Variants in SLC6A18 observed in about 807,000 individuals in gnomAD.
SLC6A18 encodes the protein inactive sodium-dependent neutral amino acid transporter B(0)AT3.
SLC6A18 carries 58 observed loss-of-function variants against 62.9 expected under a neutral mutation model. The ratio of observed to expected loss-of-function variants is 0.92; its 90% CI spans 0.75 to 1.15. The LOEUF (loss-of-function observed/expected upper bound fraction) is 1.15, where lower values mean the gene tolerates loss of function less well. SLC6A18 is among the 50% of genes most tolerant of loss of function. The probability of loss-of-function intolerance (pLI) is 0.00; values close to 1 mark genes in which losing one functional copy is unlikely to be tolerated. For synonymous variants in SLC6A18, 382 were observed against 365.8 expected (o/e 1.04, Z -0.51); for missense variants, 793 against 836.6 (o/e 0.95, Z 0.64).
chr5:1,237,921 A>C (rs1282568540), intron 4 of SLC6A18, 29 bp from the exon 5 acceptor site: 3 of 1,574,988 alleles, frequency 1.9e-6, no homozygotes, highest in Non-Finnish European at 2.6e-6. Context: ...GGCCATTTCA[A>C]GTCTCATGAC....
In SLC6A18 at chr5:1,243,772, C is replaced by A; in HGVS notation, c.1336+13C>A. Reference sequence around the variant, plus strand: ...GAGGCCCTGACTGGTGAGCGCACAGCTCCGCCGCCCTGGAGGACCCGTCCC... The same window carrying A: ...GAGGCCCTGACTGGTGAGCGCACAGATCCGCCGCCCTGGAGGACCCGTCCC... On this transcript the variant is annotated intron_variant, in intron 9 of 11. Coordinates refer to ENST00000324642, the MANE Select transcript of SLC6A18 (RefSeq NM_182632.3). This position sits in a 1 kb window ranked among gnomAD's most constrained non-coding sequence, Gnocchi z 6.5. 6.3e-7 allele frequency: 1 copy of A among 1,581,438 alleles called. No homozygotes were observed. The highest frequency in any genetic ancestry group is 8.6e-7 in the Non-Finnish European group (1 of 1,162,808).
rs1344651926 is a variant in SLC6A18 at position 1,243,391 on chromosome 5, C to A, written c.1132-164C>A. 2.6e-5 allele frequency among the ~76,000 whole-genome samples: 4 copies of A among 152,198 alleles called. No homozygotes were observed. The highest frequency in any genetic ancestry group is 5.9e-5 in the Non-Finnish European group (4 of 68,026). Reference sequence around the variant, plus strand: ...CAGAGTTGCGCTTGCAGCCTCGTCTCCCAGAAGGCATGGCCAGCCCTGAGC... The same window carrying A: ...CAGAGTTGCGCTTGCAGCCTCGTCTACCAGAAGGCATGGCCAGCCCTGAGC... On this transcript the variant is annotated intron_variant, in intron 8 of 11. Transcript: ENST00000324642. This position sits in a 1 kb window ranked among gnomAD's most constrained non-coding sequence, Gnocchi z 6.5.
intron 3 of SLC6A18, among the ~76,000 whole-genome samples, chr5:1,235,049 C>T (rs1746848218): frequency 1.3e-5 from 2 of 152,236 alleles, no homozygotes; most frequent in South Asian, 4.1e-4. Context: ...AGTCACAGGA[C>T]AATCTGCCCG....
rs901483379 is a variant in SLC6A18 at position 1,235,558 on chromosome 5, A to G, written c.517A>G (p.Ile173Val). The G allele has an allele frequency of 1.9e-6, 3 of 1,614,080 alleles. No homozygotes were observed. The highest frequency in any genetic ancestry group is 2.5e-6 in the Non-Finnish European group (3 of 1,180,032). ...GCAGACACTGAACATCACAGCCGAC[A>G]TCAATGACAGTGGCTCCATCCAGTG... The part of the protein sequence containing the change: ...YRQTLNITAD[I>V]NDSGSIQWWL... The change falls in exon 4 of 12, where the codon ATC becomes GTC. Residue 173 changes from isoleucine to valine, a missense_variant. Ile to Val is a conservative substitution (Grantham distance 29). Coordinates refer to ENST00000324642, the MANE Select transcript of SLC6A18 (RefSeq NM_182632.3).
chr5:1,235,489 G>T lies in SLC6A18; in HGVS notation c.448G>T (p.Glu150Ter). Residue 150 changes from glutamate to a stop codon, truncating the protein, a stop_gained, in exon 4 of 12, where the codon GAG becomes TAG. Transcript: ENST00000324642. LOFTEE classifies it high-confidence loss of function. ...AGGCCCCCTGGTTTCAGGGTTTGTG[G>T]AGGAGTGCCAGGGCAGCAGCGCCGT... Reference protein sequence around the residue: ...PPDLNRTGFVEECQGSSAVSY... With the variant: ...PPDLNRTGFV 6.2e-7 allele frequency: 1 copy of T among 1,613,752 alleles called. No homozygotes were observed. Among genetic ancestry groups the T allele is most frequent in the Non-Finnish European group, 8.5e-7 (1 of 1,179,832 alleles).
intron 3 of SLC6A18, among the ~76,000 whole-genome samples, chr5:1,233,749 A>ATTTTTTCTTTTT (rs1746798953): frequency 7.2e-6 from 1 of 138,634 alleles, no homozygotes. Context: ...CACTCAGCTA[A>ATTTTTTCTTTTT]TTTTTTTTTT....
chr5:1,243,221 G>A lies in SLC6A18; in HGVS notation c.1132-334G>A, dbSNP rs141268231. 2.4e-4 allele frequency among the ~76,000 whole-genome samples: 36 copies of A among 152,304 alleles called. No homozygotes were observed. Among genetic ancestry groups the A allele is most frequent in the African/African-American group, 8.4e-4 (35 of 41,564 alleles). On this transcript the variant is annotated intron_variant, in intron 8 of 11. Transcript: ENST00000324642. The surrounding 1 kb of genome is among the most constrained non-coding windows in gnomAD (Gnocchi z 6.5). The stretch of plus-strand genomic sequence containing the variant: ...CCACACTCAGGGCCAGTGTATGCCT[G>A]GACCTAGGGGCACCAGGCAGGGGGG...
intron 1 of SLC6A18, among the ~76,000 whole-genome samples, chr5:1,230,123 G>C (rs1746690312): frequency 1.3e-5 from 2 of 151,378 alleles, no homozygotes; most frequent in Non-Finnish European, 2.9e-5. Context: ...CAGGCTGGAG[G>C]GGAGGGAAGA....
rs893293565 is a variant in SLC6A18 at position 1,240,193 on chromosome 5, C to T, written c.846-338C>T. 4.6e-5 allele frequency among the ~76,000 whole-genome samples: 7 copies of T among 152,360 alleles called. No individual in the cohort carries two copies. In the East Asian group the frequency reaches 5.8e-4, roughly 13 times the overall value. On this transcript the variant is annotated intron_variant, in intron 6 of 11. Coordinates refer to ENST00000324642, the MANE Select transcript of SLC6A18 (RefSeq NM_182632.3). ...CTCACACTGGAGCTGCACTTGTGTG[C>T]GTTTCTCCTTTGGAGATGATTTTCC...
chr5:1,242,172 C>A (rs1747077318), intron 7 of SLC6A18, among the ~76,000 whole-genome samples: 1 of 152,210 alleles, frequency 6.6e-6, no homozygotes. Flanking sequence ...GACCCACCTT[C>A]GAAGTGAGGA....
In SLC6A18 at chr5:1,234,041, A is replaced by G. The variant is rs558094264; in HGVS notation, c.439+1153A>G. Among the ~76,000 whole-genome samples, 11 of 152,078 alleles carry G rather than the reference A, an allele frequency of 7.2e-5. No individual in the cohort carries two copies. The East Asian group carries it at 1.4e-3, about 19-fold the overall frequency. ...CAGGCGTGAGCCACCGCGCCCGGCC[A>G]GCACCCAGCTAATTTTATTTTTTGT... On this transcript the variant is annotated intron_variant, in intron 3 of 11. Transcript: ENST00000324642.
chr5:1,232,206 C>T lies in SLC6A18; in HGVS notation c.161-13C>T, dbSNP rs781129039. 1 of 1,607,868 alleles carries T rather than the reference C, an allele frequency of 6.2e-7. No individual in the cohort carries two copies. The highest frequency in any genetic ancestry group is 8.5e-7 in the Non-Finnish European group (1 of 1,177,236). ...CCGACCCTGGGCAGGTGCTGACCAC[C>T]CCCTCCTCACAGGGGCCTTCCTCAT... On this transcript the variant is annotated splice_polypyrimidine_tract_variant and intron_variant, in intron 1 of 11. Transcript: ENST00000324642.
chr5:1,229,045 T>C (rs1471964724), intron 1 of SLC6A18, among the ~76,000 whole-genome samples: 1 of 152,218 alleles, frequency 6.6e-6, no homozygotes, highest in Non-Finnish European at 1.5e-5. Context: ...GTGCCCTCCG[T>C]GCTGGACTTG....
chr5:1,228,401 C>T (rs1050752231), intron 1 of SLC6A18, among the ~76,000 whole-genome samples: 10 of 152,208 alleles, frequency 6.6e-5, no homozygotes, highest in Non-Finnish European at 1.2e-4. Context: ...TGACCCTGGG[C>T]GTGTCTCTGG....
chr5:1,244,857 T>C (rs539173992), intron 11 of SLC6A18, 90 bp downstream of exon 11: 3 of 1,418,970 alleles, frequency 2.1e-6, no homozygotes, highest in Middle Eastern at 3.7e-4. Context: ...CGACGACCCA[T>C]GCGGTGCACA....
intron 1 of SLC6A18, among the ~76,000 whole-genome samples, chr5:1,228,102 CTAG>C (rs1746629744): frequency 6.8e-6 from 1 of 148,130 alleles, no homozygotes; most frequent in South Asian, 2.2e-4. Context: ...GTCTCGACGC[CTAG>C]TAGTAGAGCA....
chr5:1,227,145 G>A (rs1159355498), intron 1 of SLC6A18, among the ~76,000 whole-genome samples: 4 of 148,650 alleles, frequency 2.7e-5, no homozygotes, highest in Non-Finnish European at 4.5e-5. Flanking sequence ...CTTGCCCGCC[G>A]ATGACTTGCC....
At position 1,225,494 on chromosome 5, in the gene SLC6A18, A is replaced by G; in HGVS notation, c.17A>G (p.Glu6Gly). The G allele has an allele frequency of 1.2e-6, 2 of 1,612,712 alleles. No homozygotes were observed. Among genetic ancestry groups the G allele is most frequent in the Non-Finnish European group, 1.7e-6 (2 of 1,179,472 alleles). Residue 6 changes from glutamate (E) to glycine (G), a missense_variant, in exon 1 of 12, where the codon GAA becomes GGA. Physicochemically the swap from Glu to Gly is moderately conservative, Grantham distance 98. Coordinates refer to ENST00000324642, the MANE Select transcript of SLC6A18 (RefSeq NM_182632.3). MAHAP[E>G]PDPAACDLGD... Reference sequence around the variant, plus strand: ...TCAGTCACCATGGCTCATGCCCCAGAACCGGACCCGGCCGCCTGCGACCTC... The same window carrying G: ...TCAGTCACCATGGCTCATGCCCCAGGACCGGACCCGGCCGCCTGCGACCTC...
chr5:1,227,058 ACCTTGCCCGCCGACC>A (rs1561173375), intron 1 of SLC6A18, among the ~76,000 whole-genome samples: 273 of 64,070 alleles, frequency 4.3e-3, no homozygotes, highest in African/African-American at 0.016. Context: ...GCCCGCCGAC[ACCTTGCCCGCCGACC>A]CCTTGCCCGC....
Sources: gnomAD v4.1 joint callset for allele counts (sites outside exome capture counted in the v4.1 genomes callset) on GRCh38, gnomAD v4.1.1 for gene constraint, Gnocchi (gnomAD v3.1) non-coding constraint, MANE v1.5 for transcripts, NCBI Gene and HGNC (gene_info 2026-07-23, HGNC 2026-07-21) for gene names.